SAE1: variants seen among roughly 807,000 people sequenced by gnomAD.
SAE1 encodes SUMO-activating enzyme subunit 1.
Under a neutral mutation model 40.6 loss-of-function variants are expected in SAE1, and 11 were observed. That is an observed-to-expected ratio of 0.27 (90% CI 0.17 to 0.45). The LOEUF is 0.45. Ranked by LOEUF, SAE1 falls within the 20% of genes least tolerant of loss-of-function variation. The probability of loss-of-function intolerance (pLI) is 1.00; values close to 1 mark genes in which losing one functional copy is unlikely to be tolerated. For missense variants in SAE1, 373 were observed against 427.3 expected (o/e 0.87, Z 1.12); for synonymous variants, 155 against 154.3 (o/e 1.00, Z -0.03).
At chr19:47,139,774 T>G (rs1466767049) in intron 1 of SAE1, among the ~76,000 whole-genome samples, 82 of 143,662 alleles carry the variant, frequency 5.7e-4, no homozygotes, top group African/African-American at 2.1e-3. Flanking sequence ...TTTTTTTTTT[T>G]GTATTTTTAG....
chr19:47,189,248 G>A (rs186407737), intron 6 of SAE1, among the ~76,000 whole-genome samples: 4 of 152,236 alleles, frequency 2.6e-5, no homozygotes, highest in Admixed American at 6.5e-5. Flanking sequence ...CAGAGATAGC[G>A]ACTCTCCATA....
At chr19:47,144,296 T>C (rs191747838) in intron 2 of SAE1, among the ~76,000 whole-genome samples, 1 of 152,096 alleles carries the variant, frequency 6.6e-6, no homozygotes, top group East Asian at 1.9e-4. Flanking sequence ...ATGGCACCAC[T>C]GCACTCCAGC....
At chr19:47,137,929 A>G (rs1233889713) in intron 1 of SAE1, among the ~76,000 whole-genome samples, 1 of 151,830 alleles carries the variant, frequency 6.6e-6, no homozygotes, top group Non-Finnish European at 1.5e-5. Flanking sequence ...GGGTTTTACC[A>G]TGTTGGCCAG....
At chr19:47,143,662 A>T (rs1052215857) in intron 2 of SAE1, 57 bp downstream of exon 2, 69 of 1,332,850 alleles carry the variant, frequency 5.2e-5, no homozygotes, top group Non-Finnish European at 7.4e-5. Context: ...CAGCATGAAG[A>T]TCTGCAGATT....
chr19:47,193,431 A>G lies in SAE1; in HGVS notation c.734-3802A>G, dbSNP rs539890467. Reference sequence around the variant, plus strand: ...GAGGGTTGCAGAAGCTGTGTTCTTGAAAAAGAGAAGAGAGTAACATTCTCA... The same window carrying G: ...GAGGGTTGCAGAAGCTGTGTTCTTGGAAAAGAGAAGAGAGTAACATTCTCA... On this transcript the variant is annotated intron_variant, in intron 6 of 8. Coordinates refer to ENST00000270225, the MANE Select transcript of SAE1 (RefSeq NM_005500.3). 5.9e-5 allele frequency among the ~76,000 whole-genome samples: 9 copies of G among 152,198 alleles called. No individual in the cohort carries two copies. In the East Asian group the frequency reaches 1.7e-3, roughly 29 times the overall value.
At position 47,132,654 on chromosome 19, in the gene SAE1, G is replaced by C. The variant is rs184878398; in HGVS notation, c.98+1626G>C. ...CCCAGCACTTTGGGAAGCTGAGTTGGGGGGAGGGGACCTCTTGAGCCCAGG... is the reference window on the plus strand; with the variant it reads ...CCCAGCACTTTGGGAAGCTGAGTTGCGGGGAGGGGACCTCTTGAGCCCAGG... On this transcript the variant is annotated intron_variant, in intron 1 of 8. Transcript: ENST00000270225. Among the ~76,000 whole-genome samples the C allele has an allele frequency of 3.0e-4, 46 of 152,070 alleles. No individual in the cohort carries two copies. In the East Asian group the frequency reaches 6.6e-3, roughly 22 times the overall value.
intron 6 of SAE1, among the ~76,000 whole-genome samples, chr19:47,184,777 GT>G (rs986872273): frequency 4.7e-5 from 7 of 149,510 alleles, no homozygotes; most frequent in East Asian, 2.0e-4. Flanking sequence ...TGGTTGTGGG[GT>G]TTTTTTTGTT....
chr19:47,172,833 G>T (rs8102394), intron 6 of SAE1, among the ~76,000 whole-genome samples: 24,018 of 151,640 alleles, frequency 0.16, 2,073 homozygotes, highest in East Asian at 0.36. Context: ...TCTAGGACTT[G>T]CTCTGTGCCG....
At chr19:47,174,144 G>T (rs1325707297) in intron 6 of SAE1, among the ~76,000 whole-genome samples, 1 of 151,922 alleles carries the variant, frequency 6.6e-6, no homozygotes, top group Non-Finnish European at 1.5e-5. Context: ...GAGTGCCTAT[G>T]ACCCTTTGCT....
At chr19:47,149,497 G>A (rs2058274475) in intron 2 of SAE1, among the ~76,000 whole-genome samples, 2 of 152,098 alleles carry the variant, frequency 1.3e-5, no homozygotes, top group African/African-American at 4.8e-5. Context: ...TAAACCACTG[G>A]AAGACAGAGA....
chr19:47,166,052 C>T (rs1321990501), intron 5 of SAE1, among the ~76,000 whole-genome samples: 1 of 152,232 alleles, frequency 6.6e-6, no homozygotes, highest in Admixed American at 6.5e-5. Flanking sequence ...CTCTGGATAC[C>T]TGGGACCCCT....
chr19:47,156,349 G>A (rs1375122905), intron 5 of SAE1, among the ~76,000 whole-genome samples: 1 of 151,594 alleles, frequency 6.6e-6, no homozygotes, highest in Non-Finnish European at 1.5e-5. Flanking sequence ...AAGGTGGTGC[G>A]TTGCTTGTAG....
Position 47,151,525 on chromosome 19 carries a change from G to A in SAE1, c.384+1150G>A, listed in dbSNP as rs565431873. On this transcript the variant is annotated intron_variant, in intron 3 of 8. Transcript: ENST00000270225. ...CTCACTCTGTCGCCCAGGCTGGAGT[G>A]CAGTGGCATGATCTTGGCTCACTGC... 2.0e-4 allele frequency among the ~76,000 whole-genome samples: 31 copies of A among 152,076 alleles called. 1 individual carries two copies. The South Asian group carries it at 6.2e-3, about 31-fold the overall frequency.
chr19:47,172,230 T>C (rs1412423626), intron 6 of SAE1, among the ~76,000 whole-genome samples: 1 of 152,208 alleles, frequency 6.6e-6, no homozygotes, highest in African/African-American at 2.4e-5. Flanking sequence ...GATGAACTAT[T>C]TGAAAGTCCC....
chr19:47,199,117 TG>T (rs1188989681), intron 7 of SAE1, among the ~76,000 whole-genome samples: 2 of 150,912 alleles, frequency 1.3e-5, no homozygotes, highest in Non-Finnish European at 2.9e-5. Context: ...CTGGGCGCGG[TG>T]GCTCACGCCT....
At chr19:47,145,143 C>T (rs1268178330) in intron 2 of SAE1, among the ~76,000 whole-genome samples, 1 of 152,072 alleles carries the variant, frequency 6.6e-6, no homozygotes, top group Non-Finnish European at 1.5e-5. Context: ...GCTGGGATTA[C>T]AGGCATGCAA....
At chr19:47,205,290 T>A (rs2058679609) in intron 8 of SAE1, among the ~76,000 whole-genome samples, 1 of 151,518 alleles carries the variant, frequency 6.6e-6, no homozygotes, top group South Asian at 2.1e-4. Flanking sequence ...TTTGGCTCAA[T>A]TTGTTAGTCA....
In SAE1 at chr19:47,172,354, A is replaced by G. The variant is rs372811945; in HGVS notation, c.733+2431A>G. Among the ~76,000 whole-genome samples the G allele has an allele frequency of 3.5e-4, 53 of 152,348 alleles. No homozygotes were observed. The South Asian group carries it at 0.01, about 30-fold the overall frequency. ...TAGTGGGATCAGGTGTGGAAGAGGC[A>G]CCAGCAGTAAGAGCAGAGTCTTTTC... On this transcript the variant is annotated intron_variant, in intron 6 of 8. Coordinates refer to ENST00000270225, the MANE Select transcript of SAE1 (RefSeq NM_005500.3).
intron 5 of SAE1, among the ~76,000 whole-genome samples, chr19:47,168,684 CCTCCCCCCTCCTAGGTTCAAGCGATT>C (rs2058411747): frequency 6.6e-6 from 1 of 151,972 alleles, no homozygotes; most frequent in Non-Finnish European, 1.5e-5. Flanking sequence ...CTCACTGCAA[CCTCCCCCCTCCTAGGTTCAAGCGATT>C]CTCCTGCCTC....
Sources: gnomAD v4.1 joint callset for allele counts (sites outside exome capture counted in the v4.1 genomes callset) on GRCh38, gnomAD v4.1.1 for gene constraint, MANE v1.5 for transcripts, NCBI Gene and HGNC (gene_info 2026-07-23, HGNC 2026-07-21) for gene names.